Variants in GNA12 observed in about 807,000 individuals in gnomAD.
GNA12 encodes G protein subunit alpha 12, also known as guanine nucleotide-binding protein subunit alpha-12.
A neutral mutation model predicts 26.0 loss-of-function variants in GNA12; 9 were observed. The observed-to-expected ratio is 0.35, with a 90% CI of 0.21 to 0.60. GNA12 has a LOEUF of 0.60. GNA12 is among the 20% of genes least tolerant of loss of function. GNA12 has a pLI of 0.78. For synonymous variants in GNA12, 264 were observed against 219.6 expected, an observed-to-expected ratio of 1.20 and a Z score of -1.79; for missense variants, 405 against 525.8, an observed-to-expected ratio of 0.77 and a Z score of 2.25.
chr7:2,832,673 C>T (rs1778711294), intron 1 of GNA12, among the ~76,000 whole-genome samples: 1 of 152,160 alleles, frequency 6.6e-6, no homozygotes, highest in African/African-American at 2.4e-5. Context: ...TTAACAGGGC[C>T]ATGTGACAAA....
chr7:2,813,694 G>C (rs1224183563), intron 1 of GNA12, among the ~76,000 whole-genome samples: 2 of 152,224 alleles, frequency 1.3e-5, no homozygotes, highest in Non-Finnish European at 2.9e-5. Flanking sequence ...GGAGGAGCAG[G>C]AAACAGCGTA....
At chr7:2,837,807 G>C (rs1203855260) in intron 1 of GNA12, among the ~76,000 whole-genome samples, 2 of 151,794 alleles carry the variant, frequency 1.3e-5, no homozygotes, top group African/African-American at 2.4e-5. Flanking sequence ...AGAAGGCTTA[G>C]AGCCTCAGAA....
At chr7:2,753,516 T>G (rs189563185) in intron 2 of GNA12, among the ~76,000 whole-genome samples, 1 of 152,208 alleles carries the variant, frequency 6.6e-6, no homozygotes, top group African/African-American at 2.4e-5. Flanking sequence ...CATCTGTCAG[T>G]AGCTTGCCCC....
chr7:2,742,449 G>T lies in GNA12; in HGVS notation c.526-8948C>A, dbSNP rs145464873. Among the ~76,000 whole-genome samples the T allele has an allele frequency of 3.2e-4, 48 of 152,280 alleles. No homozygotes were observed. The East Asian group carries it at 8.9e-3, about 28-fold the overall frequency. On this transcript the variant is annotated intron_variant, in intron 2 of 3. Transcript: ENST00000275364. The stretch of plus-strand genomic sequence containing the variant: ...ACTCCATGCTTGCTGGTCTGTGAGT[G>T]ACATTCCACTGTCAACAAGAGCCCT...
rs1790391794 is a variant in GNA12, at chr7:2,739,526, T to G, written c.526-6025A>C. 1.3e-5 allele frequency among the ~76,000 whole-genome samples: 2 copies of G among 152,230 alleles called. 1 individual carries two copies. The highest frequency in any genetic ancestry group is 1.3e-4 in the Admixed American group (2 of 15,286). ...TGCCATTGTATGGATATGTGGTTTGTTTTTCCATTTGTCAGTTGATGAACA... is the reference window on the plus strand; with the variant it reads ...TGCCATTGTATGGATATGTGGTTTGGTTTTCCATTTGTCAGTTGATGAACA... On this transcript the variant is annotated intron_variant, in intron 2 of 3. Transcript: ENST00000275364.
chr7:2,771,549 T>C (rs915596669), intron 2 of GNA12, among the ~76,000 whole-genome samples: 2 of 152,184 alleles, frequency 1.3e-5, no homozygotes, highest in Admixed American at 1.3e-4. Context: ...AGTCAGATCT[T>C]AGAGGACACT....
Position 2,730,943 on chromosome 7 carries a change from T to G in GNA12, c.*238A>C, listed in dbSNP as rs897492859. 3 of 512,860 alleles carry G rather than the reference T, an allele frequency of 5.8e-6. No individual in the cohort carries two copies. Among genetic ancestry groups the G allele is most frequent in the Non-Finnish European group, 1.1e-5 (3 of 284,338 alleles). 31.8% of individuals were successfully genotyped at this position (512,860 alleles called of 1,614,324 possible). A position where few individuals can be genotyped will look rare whatever the true frequency, so the allele number is the denominator to read the frequency against. On this transcript the variant is annotated 3_prime_UTR_variant, in exon 4 of 4. Coordinates refer to ENST00000275364, the MANE Select transcript of GNA12 (RefSeq NM_007353.3). ...TAGGTGTTCCGTATTCACAACATCA[T>G]CACTCGGATTTTCAGTAGTTTCACT...
intron 1 of GNA12, among the ~76,000 whole-genome samples, chr7:2,812,413 T>A (rs1404775713): frequency 6.6e-6 from 1 of 152,186 alleles, no homozygotes; most frequent in Non-Finnish European, 1.5e-5. Context: ...GCGGACCACT[T>A]GAGGTCAGGA....
intron 1 of GNA12, among the ~76,000 whole-genome samples, chr7:2,799,956 A>G (rs1014605631): frequency 2.0e-5 from 3 of 152,218 alleles, no homozygotes; most frequent in African/African-American, 7.2e-5. Context: ...CACAAACTAG[A>G]AAACAGTTGG....
intron 2 of GNA12, among the ~76,000 whole-genome samples, chr7:2,779,580 A>G (rs1792169687): frequency 6.6e-6 from 1 of 152,132 alleles, no homozygotes. Context: ...TTCTGATTAT[A>G]AAAACACTTC....
At chr7:2,829,333 G>A in intron 1 of GNA12, among the ~76,000 whole-genome samples, 1 of 152,150 alleles carries the variant, frequency 6.6e-6, no homozygotes, top group Non-Finnish European at 1.5e-5. Context: ...AAACACTGAG[G>A]TTTAGGTTCA....
chr7:2,747,811 G>C (rs1375065545), intron 2 of GNA12, among the ~76,000 whole-genome samples: 1 of 152,002 alleles, frequency 6.6e-6, no homozygotes, highest in African/African-American at 2.4e-5. Context: ...AAGCTGATAA[G>C]CAACTTCAGG....
chr7:2,764,432 G>A (rs1791717059), intron 2 of GNA12, among the ~76,000 whole-genome samples: 3 of 152,096 alleles, frequency 2.0e-5, no homozygotes, highest in Non-Finnish European at 4.4e-5. Flanking sequence ...GCTGACCAGA[G>A]GAGAGTTGAG....
chr7:2,787,569 C>CT (rs1387008420), intron 2 of GNA12, among the ~76,000 whole-genome samples: 1 of 152,248 alleles, frequency 6.6e-6, no homozygotes, highest in Non-Finnish European at 1.5e-5. Flanking sequence ...ATCTTCTGAG[C>CT]TTTCCGGGAA....
At chr7:2,765,875 G>GCC (rs71026552) in intron 2 of GNA12, among the ~76,000 whole-genome samples, 20 of 147,822 alleles carry the variant, frequency 1.4e-4, no homozygotes, top group East Asian at 4.0e-4. Flanking sequence ...GTGATCCAGG[G>GCC]CCCCCCTCCC....
chr7:2,758,181 A>G (rs1361146054), intron 2 of GNA12, among the ~76,000 whole-genome samples: 1 of 152,180 alleles, frequency 6.6e-6, no homozygotes, highest in African/African-American at 2.4e-5. Context: ...ACATCTCCCC[A>G]ACTATCGATG....
intron 2 of GNA12, among the ~76,000 whole-genome samples, chr7:2,741,077 CA>C (rs1217516257): frequency 6.6e-6 from 1 of 151,548 alleles, no homozygotes; most frequent in Admixed American, 6.6e-5. Flanking sequence ...AACAAATAAT[CA>C]AACAAAAAAC....
chr7:2,744,652 G>A (rs1023916977), intron 2 of GNA12, among the ~76,000 whole-genome samples: 1 of 152,138 alleles, frequency 6.6e-6, no homozygotes, highest in African/African-American at 2.4e-5. Flanking sequence ...ACCAGCAACG[G>A]AACAAAGCTG....
In GNA12 at chr7:2,780,048, GTACA is replaced by G. The variant is rs1554259619; in HGVS notation, c.525+14876_525+14879del. 1.7e-3 allele frequency among the ~76,000 whole-genome samples: 141 copies of G among 84,718 alleles called. 2 individuals carry two copies. The highest frequency in any genetic ancestry group is 7.1e-3 in the African/African-American group (124 of 17,426). The allele number at this position is 84,718 out of a possible 152,430, so 55.6% of individuals were successfully genotyped here. On this transcript the variant is annotated intron_variant, in intron 2 of 3. Coordinates refer to ENST00000275364, the MANE Select transcript of GNA12 (RefSeq NM_007353.3). ...GTACTAGTTTTTTACACATTTCTGT[GTACA>G]TATATATATATATATATATATATAT...
Sources: gnomAD v4.1 joint callset for allele counts (sites outside exome capture counted in the v4.1 genomes callset) on GRCh38, gnomAD v4.1.1 for gene constraint, MANE v1.5 for transcripts, NCBI Gene and HGNC (gene_info 2026-07-23, HGNC 2026-07-21) for gene names.